The following STK3 variants were observed in gnomAD, a reference collection of about 807,000 sequenced individuals.
STK3 encodes serine/threonine kinase 3, also known as serine/threonine-protein kinase 3.
Under a neutral mutation model 58.0 loss-of-function variants are expected in STK3, and 41 were observed. That is an observed-to-expected ratio of 0.71 (90% CI 0.55 to 0.92). The LOEUF (loss-of-function observed/expected upper bound fraction) is 0.92. STK3 is among the 40% of genes least tolerant of loss of function. The pLI, the probability that STK3 is intolerant of heterozygous loss-of-function variation, is 0.00. For missense variants in STK3, 479 were observed against 602.7 expected, an observed-to-expected ratio of 0.79 and a Z score of 2.15; for synonymous variants, 170 against 191.0, an observed-to-expected ratio of 0.89 and a Z score of 0.91.
intron 6 of STK3, among the ~76,000 whole-genome samples, chr8:98,631,124 T>A (rs1436428653): frequency 2.6e-5 from 4 of 152,118 alleles, no homozygotes; most frequent in Non-Finnish European, 4.4e-5. Context: ...AGGCCGCCAT[T>A]ATCTCTTACC....
At chr8:98,599,239 G>T (rs1418288346) in intron 6 of STK3, among the ~76,000 whole-genome samples, 1 of 152,150 alleles carries the variant, frequency 6.6e-6, no homozygotes, top group African/African-American at 2.4e-5. Context: ...GCTGTTTCCT[G>T]ATAGCAAACA....
chr8:98,881,268 A>AACCC (rs1334168053), downstream of STK3: 1 of 152,224 alleles, frequency 6.6e-6, no homozygotes, highest in African/African-American at 2.4e-5. Context: ...GAAAGAAGCC[A>AACCC]ACCCCAAAAG....
At chr8:98,822,881 AGCTGGGC>A in intron 1 of STK3, among the ~76,000 whole-genome samples, 1 of 152,158 alleles carries the variant, frequency 6.6e-6, no homozygotes, top group Non-Finnish European at 1.5e-5. Flanking sequence ...CACAAAAATG[AGCTGGGC>A]GTGGTGGCGC....
At chr8:98,678,025 T>C (rs1408067480) in intron 6 of STK3, among the ~76,000 whole-genome samples, 1 of 152,108 alleles carries the variant, frequency 6.6e-6, no homozygotes, top group Non-Finnish European at 1.5e-5. Flanking sequence ...ACATTTTAAA[T>C]GAAAAAAACA....
chr8:98,533,755 G>C (rs1331853412), intron 9 of STK3, among the ~76,000 whole-genome samples: 1 of 152,176 alleles, frequency 6.6e-6, no homozygotes, highest in Non-Finnish European at 1.5e-5. Flanking sequence ...CTCCCAAAGT[G>C]CTGGCATCAC....
chr8:98,513,226 C>T (rs1824656797), intron 10 of STK3, among the ~76,000 whole-genome samples: 1 of 152,142 alleles, frequency 6.6e-6, no homozygotes, highest in Non-Finnish European at 1.5e-5. Context: ...GGGGCCAAAT[C>T]GCCAACCTTG....
At chr8:98,417,519 AT>A (rs918012006) in intron 3 of STK3, among the ~76,000 whole-genome samples, 10 of 150,774 alleles carry the variant, frequency 6.6e-5, no homozygotes, top group African/African-American at 2.5e-4. Flanking sequence ...GTCTCAAAAA[AT>A]AAATAAATAA....
chr8:98,814,254 T>A (rs753214121), intron 1 of STK3, among the ~76,000 whole-genome samples: 3 of 152,184 alleles, frequency 2.0e-5, no homozygotes, highest in Middle Eastern at 3.4e-3. Flanking sequence ...TTTCACCATG[T>A]TGGTCAGGCT....
intron 1 of STK3, among the ~76,000 whole-genome samples, chr8:98,896,980 TA>T (rs1050946512): frequency 2.7e-5 from 4 of 147,382 alleles, no homozygotes; most frequent in African/African-American, 1.0e-4. Flanking sequence ...GTCTCAAAAA[TA>T]AAAAAATAAT....
intron 3 of STK3, among the ~76,000 whole-genome samples, chr8:98,835,291 G>A (rs1430391042): frequency 6.6e-6 from 1 of 152,138 alleles, no homozygotes; most frequent in South Asian, 2.1e-4. Flanking sequence ...TGTTAAAATA[G>A]AGCTAGGTCC....
intron 9 of STK3, among the ~76,000 whole-genome samples, chr8:98,545,937 C>T (rs1397437513): frequency 3.9e-5 from 6 of 152,138 alleles, no homozygotes; most frequent in Non-Finnish European, 7.4e-5. Context: ...TCTTCACATA[C>T]TTTACTACTG....
chr8:98,526,582 A>G, intron 10 of STK3, 160 bp downstream of exon 10: 3 of 537,676 alleles, frequency 5.6e-6, no homozygotes, highest in Non-Finnish European at 8.4e-6. Flanking sequence ...CAGTTTCACA[A>G]TTTCTCTAAC....
At chr8:98,891,161 G>T (rs147576666) in intron 1 of STK3, among the ~76,000 whole-genome samples, 1 of 152,236 alleles carries the variant, frequency 6.6e-6, no homozygotes, top group East Asian at 1.9e-4. Context: ...CCACAGCCAC[G>T]TGCTGCGCCT....
At chr8:98,858,034 G>A (rs1290143528) in intron 3 of STK3, among the ~76,000 whole-genome samples, 1 of 151,726 alleles carries the variant, frequency 6.6e-6, no homozygotes, top group East Asian at 1.9e-4. Flanking sequence ...TTTACCAATG[G>A]CTGGATGTGC....
At chr8:98,854,129 A>ATATTTATT (rs542032878) in intron 3 of STK3, among the ~76,000 whole-genome samples, 2 of 151,854 alleles carry the variant, frequency 1.3e-5, no homozygotes, top group African/African-American at 2.4e-5. Context: ...AAGTAAAACT[A>ATATTTATT]TATTTATTTA....
intron 3 of STK3, among the ~76,000 whole-genome samples, chr8:98,876,636 T>C (rs533072459): frequency 9.8e-5 from 15 of 152,344 alleles, no homozygotes; most frequent in Admixed American, 7.2e-4. Flanking sequence ...TGCCCAGGTC[T>C]AGAGGAAAGT....
chr8:98,446,480 AC>A (rs1288728886), intron 1 of STK3, among the ~76,000 whole-genome samples: 9 of 152,022 alleles, frequency 5.9e-5, no homozygotes, highest in African/African-American at 1.7e-4. Flanking sequence ...ACTTTTCATA[AC>A]CCTCTGAGGT....
At chr8:98,817,595 G>A (rs1357578660) in intron 1 of STK3, among the ~76,000 whole-genome samples, 1 of 151,994 alleles carries the variant, frequency 6.6e-6, no homozygotes, top group Non-Finnish European at 1.5e-5. Flanking sequence ...AGAGACTATA[G>A]ATATCCAAAC....
At chr8:98,713,690 C>T (rs1826740412) in intron 4 of STK3, among the ~76,000 whole-genome samples, 1 of 152,112 alleles carries the variant, frequency 6.6e-6, no homozygotes, top group African/African-American at 2.4e-5. Flanking sequence ...CTGAATTCTA[C>T]CAGAGGTACA....
Sources: gnomAD v4.1 joint callset for allele counts (sites outside exome capture counted in the v4.1 genomes callset) on GRCh38, gnomAD v4.1.1 for gene constraint, MANE v1.5 for transcripts, NCBI Gene and HGNC (gene_info 2026-07-23, HGNC 2026-07-21) for gene names.